The following COMMD1 variants were observed in gnomAD, a reference collection of about 807,000 sequenced individuals.
COMMD1 encodes the protein copper metabolism domain containing 1, also known as COMM domain-containing protein 1.
Under a neutral mutation model 17.2 loss-of-function variants are expected in COMMD1, and 10 were observed. The observed-to-expected ratio is 0.58, with a 90% CI of 0.36 to 0.99. The LOEUF is 0.99. Ranked by LOEUF, COMMD1 falls within the 50% of genes least tolerant of loss-of-function variation. The pLI, the probability that COMMD1 is intolerant of heterozygous loss-of-function variation, is 0.01. For synonymous variants in COMMD1, 97 were observed against 91.6 expected (o/e 1.06, Z -0.34); for missense variants, 270 against 231.8 (o/e 1.17, Z -1.07).
At chr2:62,052,066 C>G (rs1372282937) in intron 2 of COMMD1, among the ~76,000 whole-genome samples, 1 of 152,206 alleles carries the variant, frequency 6.6e-6, no homozygotes, top group Non-Finnish European at 1.5e-5. Context: ...AAAGGAATCT[C>G]TTAACCATCC....
intron 1 of COMMD1, among the ~76,000 whole-genome samples, chr2:61,964,345 C>G (rs574450962): frequency 5.3e-5 from 8 of 152,114 alleles, no homozygotes; most frequent in Admixed American, 2.6e-4. Context: ...CTCATACTCT[C>G]TAGTAACTGG....
intron 1 of COMMD1, among the ~76,000 whole-genome samples, chr2:61,996,233 A>G (rs1668750889): frequency 6.6e-6 from 1 of 151,972 alleles, no homozygotes; most frequent in Non-Finnish European, 1.5e-5. Context: ...AAAAATGCTA[A>G]TGATTACCTG....
intron 1 of COMMD1, among the ~76,000 whole-genome samples, chr2:61,968,592 CTG>C (rs1247956437): frequency 3.3e-5 from 5 of 152,114 alleles, no homozygotes; most frequent in African/African-American, 1.2e-4. Flanking sequence ...GGGTATCACT[CTG>C]TTGCTGGGCT....
chr2:61,932,073 C>T (rs1558525938), intron 1 of COMMD1, among the ~76,000 whole-genome samples: 1 of 152,222 alleles, frequency 6.6e-6, no homozygotes, highest in African/African-American at 2.4e-5. Context: ...CAGCTCACTG[C>T]AGCCTCGATC....
intron 2 of COMMD1, among the ~76,000 whole-genome samples, chr2:62,018,267 A>G (rs1181925094): frequency 6.6e-6 from 1 of 152,212 alleles, no homozygotes; most frequent in Non-Finnish European, 1.5e-5. Context: ...GACAGCTGAT[A>G]CCACAGGGAA....
intron 1 of COMMD1, among the ~76,000 whole-genome samples, chr2:61,910,822 G>A (rs1321726382): frequency 6.6e-6 from 1 of 152,130 alleles, no homozygotes; most frequent in Non-Finnish European, 1.5e-5. Context: ...CACGGCTCAC[G>A]CCTGTCATCC....
intron 1 of COMMD1, among the ~76,000 whole-genome samples, chr2:61,897,017 A>T (rs1357579940): frequency 1.3e-5 from 2 of 151,944 alleles, no homozygotes; most frequent in Non-Finnish European, 2.9e-5. Flanking sequence ...TTTAGTAGAG[A>T]TGGGGTTTCA....
chr2:62,073,445 T>C (rs1278675681), intron 2 of COMMD1, among the ~76,000 whole-genome samples: 2 of 152,236 alleles, frequency 1.3e-5, no homozygotes, highest in African/African-American at 4.8e-5. Flanking sequence ...CAACCTCGTC[T>C]TTAGACAGTA....
rs1041975016 is a variant in COMMD1, at chr2:62,121,979, G to C, written c.463-13852G>C. Among the ~76,000 whole-genome samples the C allele has an allele frequency of 7.2e-5, 11 of 152,116 alleles. No homozygotes were observed. In the East Asian group the frequency reaches 1.9e-3, roughly 27 times the overall value. On this transcript the variant is annotated intron_variant, in intron 2 of 2. Transcript: ENST00000311832. ...GCTAATTTTTTGTATTTTTTGTAGAGACGGGGTTGCCATGTTGCCCAGGCT... is the reference window on the plus strand; with the variant it reads ...GCTAATTTTTTGTATTTTTTGTAGACACGGGGTTGCCATGTTGCCCAGGCT...
At chr2:61,981,828 C>A (rs914660154) in intron 1 of COMMD1, among the ~76,000 whole-genome samples, 1 of 152,158 alleles carries the variant, frequency 6.6e-6, no homozygotes, top group African/African-American at 2.4e-5. Flanking sequence ...CCTCCCACAA[C>A]CCATGGGAAT....
intron 2 of COMMD1, among the ~76,000 whole-genome samples, chr2:62,114,529 G>A (rs1181317609): frequency 4.6e-5 from 7 of 152,138 alleles, no homozygotes; most frequent in Non-Finnish European, 1.0e-4. Flanking sequence ...TGCTTGATTT[G>A]AGTACTCTCC....
intron 1 of COMMD1, among the ~76,000 whole-genome samples, chr2:61,897,616 G>C (rs1451170942): frequency 6.6e-6 from 1 of 152,146 alleles, no homozygotes; most frequent in Non-Finnish European, 1.5e-5. Flanking sequence ...GGGCGTGGTG[G>C]TGCATGCCTG....
chr2:62,121,091 C>T (rs984824617), intron 2 of COMMD1, among the ~76,000 whole-genome samples: 8 of 152,020 alleles, frequency 5.3e-5, no homozygotes, highest in African/African-American at 1.7e-4. Context: ...CCCTAAAGGC[C>T]AGGCACAGTG....
rs1004694960 is a variant in COMMD1 at position 61,997,828 on chromosome 2, G to A, written c.181-2873G>A. ...GAAGCTAGGCATTGACTTCTCTCTAGCTGTGAAAGTCCTATTTTATGAGAA... is the reference window on the plus strand; with the variant it reads ...GAAGCTAGGCATTGACTTCTCTCTAACTGTGAAAGTCCTATTTTATGAGAA... On this transcript the variant is annotated intron_variant, in intron 1 of 2. Coordinates refer to ENST00000311832, the MANE Select transcript of COMMD1 (RefSeq NM_152516.4). 2.6e-5 allele frequency among the ~76,000 whole-genome samples: 4 copies of A among 152,164 alleles called. No individual in the cohort carries two copies. The South Asian group carries it at 8.3e-4, about 31-fold the overall frequency.
intron 1 of COMMD1, among the ~76,000 whole-genome samples, chr2:61,990,759 C>T (rs1367451250): frequency 6.6e-6 from 1 of 151,756 alleles, no homozygotes; most frequent in South Asian, 2.1e-4. Flanking sequence ...GGGAAAGACC[C>T]GCCCCCATGA....
At chr2:62,098,050 G>T (rs554439483) in intron 2 of COMMD1, among the ~76,000 whole-genome samples, 1 of 151,638 alleles carries the variant, frequency 6.6e-6, no homozygotes, top group Admixed American at 6.6e-5. Context: ...CTTCCTCTTG[G>T]GGTCGCTTAG....
At chr2:61,944,152 C>T (rs771061327) in intron 1 of COMMD1, among the ~76,000 whole-genome samples, 10 of 152,012 alleles carry the variant, frequency 6.6e-5, no homozygotes, top group Non-Finnish European at 1.5e-4. Context: ...TGAGAAGACT[C>T]TTTAGAATGC....
intron 2 of COMMD1, among the ~76,000 whole-genome samples, chr2:62,008,915 C>G (rs1669202129): frequency 6.6e-6 from 1 of 152,122 alleles, no homozygotes; most frequent in South Asian, 2.1e-4. Flanking sequence ...TCCCAAGTAG[C>G]TGGCACTACA....
intron 1 of COMMD1, among the ~76,000 whole-genome samples, chr2:61,997,142 T>G (rs1157953273): frequency 2.0e-5 from 3 of 151,922 alleles, no homozygotes; most frequent in Non-Finnish European, 4.4e-5. Flanking sequence ...TTATGCAGCC[T>G]TGACCCCCTG....
Sources: allele counts gnomAD v4.1 joint callset (sites outside exome capture counted in the v4.1 genomes callset), GRCh38; gene constraint gnomAD v4.1.1; transcripts MANE v1.5; gene names NCBI Gene and HGNC (gene_info 2026-07-23, HGNC 2026-07-21).